The following CACNG2 variants were observed in gnomAD, a reference collection of about 807,000 sequenced individuals.
The protein encoded by CACNG2 is calcium voltage-gated channel auxiliary subunit gamma 2.
Under a neutral mutation model 25.9 loss-of-function variants are expected in CACNG2, and 3 were observed. The observed-to-expected ratio is 0.12, with a 90% CI of 0.05 to 0.30. The LOEUF (loss-of-function observed/expected upper bound fraction) is 0.30, where lower values mean the gene tolerates loss of function less well. Among genes scored for constraint, CACNG2 ranks in the 10% least tolerant of loss-of-function variants. The probability of loss-of-function intolerance (pLI) is 1.00; values close to 1 mark genes in which losing one functional copy is unlikely to be tolerated. For missense variants in CACNG2, 341 were observed against 432.5 expected, an observed-to-expected ratio of 0.79 and a Z score of 1.88; for synonymous variants, 167 against 173.3, an observed-to-expected ratio of 0.96 and a Z score of 0.29.
At chr22:36,582,210 A>G (rs1935428878) in intron 2 of CACNG2, among the ~76,000 whole-genome samples, 1 of 152,100 alleles carries the variant, frequency 6.6e-6, no homozygotes, top group Non-Finnish European at 1.5e-5. Flanking sequence ...CAAAAGTGAG[A>G]TGGTGTCTGT....
At chr22:36,565,894 T>C (rs1935116377) in intron 3 of CACNG2, among the ~76,000 whole-genome samples, 1 of 152,224 alleles carries the variant, frequency 6.6e-6, no homozygotes, top group Admixed American at 6.5e-5. Flanking sequence ...CTCAGACATC[T>C]GGATGTGGGT....
intron 1 of CACNG2, among the ~76,000 whole-genome samples, chr22:36,647,325 G>A (rs1250697474): frequency 6.6e-6 from 1 of 152,134 alleles, no homozygotes; most frequent in Non-Finnish European, 1.5e-5. Flanking sequence ...GCCAGGTGCG[G>A]TGGCTCACAC....
intron 2 of CACNG2, among the ~76,000 whole-genome samples, chr22:36,570,633 C>T (rs1261165630): frequency 6.6e-6 from 1 of 151,820 alleles, no homozygotes; most frequent in Non-Finnish European, 1.5e-5. Context: ...CATGGTGGTG[C>T]GTGTCAGTAG....
At chr22:36,663,223 G>A (rs1020096338) in intron 1 of CACNG2, among the ~76,000 whole-genome samples, 6 of 152,228 alleles carry the variant, frequency 3.9e-5, no homozygotes, top group African/African-American at 7.2e-5. Context: ...CAGAAAACAC[G>A]GATTTGACCA....
At chr22:36,667,244 C>T (rs1177356203) in intron 1 of CACNG2, among the ~76,000 whole-genome samples, 3 of 152,322 alleles carry the variant, frequency 2.0e-5, no homozygotes, top group Admixed American at 1.3e-4. Flanking sequence ...TGAGCAGCTG[C>T]GTCCAGCTGG....
At chr22:36,700,648 T>A (rs1171446862) in intron 1 of CACNG2, among the ~76,000 whole-genome samples, 1 of 152,270 alleles carries the variant, frequency 6.6e-6, no homozygotes, top group Admixed American at 6.5e-5. Flanking sequence ...GTCTTTCCAC[T>A]GTTAATGACT....
chr22:36,618,909 G>GAC (rs1374690356), intron 1 of CACNG2, among the ~76,000 whole-genome samples: 1 of 71,818 alleles, frequency 1.4e-5, no homozygotes, highest in Non-Finnish European at 3.3e-5. Flanking sequence ...GACAGAGCGA[G>GAC]ACTGTTTCAA....
intron 1 of CACNG2, among the ~76,000 whole-genome samples, chr22:36,622,577 T>A (rs1936121898): frequency 6.6e-6 from 1 of 152,204 alleles, no homozygotes; most frequent in Admixed American, 6.5e-5. Context: ...AAGGCAGACA[T>A]TCGGCTCTGG....
At chr22:36,639,877 C>T (rs1346583408) in intron 1 of CACNG2, among the ~76,000 whole-genome samples, 2 of 152,214 alleles carry the variant, frequency 1.3e-5, no homozygotes, top group Admixed American at 6.5e-5. Context: ...CATCTGTCTT[C>T]TACCCTGGGC....
Position 36,563,156 on chromosome 22 carries a change from T to C in CACNG2, c.*1195A>G, listed in dbSNP as rs1156961660. On this transcript the variant is annotated 3_prime_UTR_variant, in exon 4 of 4. Transcript: ENST00000300105. ...AAAATCACCACTTGTTTTTCCTTTT[T>C]CTTTTGTAAAAAGAAGCCTTTTTGC... Among the ~76,000 whole-genome samples, 3 of 152,228 alleles carry C rather than the reference T, an allele frequency of 2.0e-5. No individual in the cohort carries two copies. Among genetic ancestry groups the C allele is most frequent in the African/African-American group, 7.2e-5 (3 of 41,448 alleles).
chr22:36,571,331 C>G (rs1009707722), intron 2 of CACNG2, among the ~76,000 whole-genome samples: 2 of 152,018 alleles, frequency 1.3e-5, no homozygotes, highest in Non-Finnish European at 2.9e-5. Context: ...ACGGTAAGTG[C>G]CTGTAATCTC....
chr22:36,680,374 A>G (rs113741919), intron 1 of CACNG2, among the ~76,000 whole-genome samples: 12 of 143,228 alleles, frequency 8.4e-5, no homozygotes, highest in African/African-American at 3.1e-4. Context: ...CATCATCACC[A>G]TTACCACCAC....
At position 36,647,814 on chromosome 22, in the gene CACNG2, C is replaced by A. The variant is rs186516550; in HGVS notation, c.211+54552G>T. Among the ~76,000 whole-genome samples, 786 of 152,316 alleles carry A rather than the reference C, an allele frequency of 5.2e-3. 7 individuals carry two copies. The highest frequency in any genetic ancestry group is 0.018 in the African/African-American group (766 of 41,566). On this transcript the variant is annotated intron_variant, in intron 1 of 3. Coordinates refer to ENST00000300105, the MANE Select transcript of CACNG2 (RefSeq NM_006078.5). ...CTAGTTAAGCCTTGAGTCACACACT[C>A]TCCTAGCTCCCTGTGTTTTTCCTTC...
intron 1 of CACNG2, among the ~76,000 whole-genome samples, chr22:36,677,645 G>A (rs1294331557): frequency 2.0e-5 from 3 of 152,190 alleles, no homozygotes; most frequent in Admixed American, 6.5e-5. Context: ...AGCAGGTCAC[G>A]AGTGTATGCT....
chr22:36,624,134 C>T (rs1374508286), intron 1 of CACNG2, among the ~76,000 whole-genome samples: 1 of 152,086 alleles, frequency 6.6e-6, no homozygotes, highest in Non-Finnish European at 1.5e-5. Flanking sequence ...GACCAGATTC[C>T]CTGGAATTCA....
In CACNG2 at chr22:36,695,438, C is replaced by T. The variant is rs369632826; in HGVS notation, c.211+6928G>A. Reference sequence around the variant, plus strand: ...CTAACAAAGCCCTTTGGGTCCTGACCACTTCCACTTGCCCCTCCCACCCCA... The same window carrying T: ...CTAACAAAGCCCTTTGGGTCCTGACTACTTCCACTTGCCCCTCCCACCCCA... On this transcript the variant is annotated intron_variant, in intron 1 of 3. Transcript: ENST00000300105. Among the ~76,000 whole-genome samples, 38 of 152,042 alleles carry T rather than the reference C, an allele frequency of 2.5e-4. No individual in the cohort carries two copies. In the East Asian group the frequency reaches 4.1e-3, roughly 16 times the overall value.
In CACNG2 at chr22:36,606,132, C is replaced by T. The variant is rs1169725670; in HGVS notation, c.212-18584G>A. 2.0e-5 allele frequency among the ~76,000 whole-genome samples: 3 copies of T among 152,156 alleles called. No individual in the cohort carries two copies. Among genetic ancestry groups the T allele is most frequent in the African/African-American group, 7.2e-5 (3 of 41,430 alleles). ...TCCTTGAATTTTTATCAAGTGGTTACTAGGTGTTGGTGTTGAGCTAGGTTC... is the reference window on the plus strand; with the variant it reads ...TCCTTGAATTTTTATCAAGTGGTTATTAGGTGTTGGTGTTGAGCTAGGTTC... On this transcript the variant is annotated intron_variant, in intron 1 of 3. Transcript: ENST00000300105. The surrounding 1 kb of genome is among the most constrained non-coding windows in gnomAD (Gnocchi z 5.7).
At chr22:36,643,210 CCTTCCTTG>C (rs1936467971) in intron 1 of CACNG2, among the ~76,000 whole-genome samples, 1 of 149,236 alleles carries the variant, frequency 6.7e-6, no homozygotes, top group African/African-American at 2.5e-5. Context: ...CTCCTTCCTT[CCTTCCTTG>C]CTTCCTTCCT....
chr22:36,625,646 A>G (rs2145953600), intron 1 of CACNG2, among the ~76,000 whole-genome samples: 1 of 152,338 alleles, frequency 6.6e-6, no homozygotes, highest in African/African-American at 2.4e-5. Flanking sequence ...AGGAAACTGT[A>G]TTATGCTTTG....
Sources: allele counts gnomAD v4.1 joint callset (sites outside exome capture counted in the v4.1 genomes callset), GRCh38; gene constraint gnomAD v4.1.1; non-coding constraint Gnocchi (gnomAD v3.1); transcripts MANE v1.5; gene names NCBI Gene and HGNC (gene_info 2026-07-23, HGNC 2026-07-21).